The following GET1 variants were observed in gnomAD, a reference collection of about 807,000 sequenced individuals.
GET1 encodes guided entry of tail-anchored proteins factor 1.
A neutral mutation model predicts 22.6 loss-of-function variants in GET1; 20 were observed. That is an observed-to-expected ratio of 0.89 (90% CI 0.62 to 1.29). GET1 has a LOEUF of 1.29. Ranked by LOEUF, GET1 falls within the 50% of genes most tolerant of loss-of-function variation. The pLI, the probability that GET1 is intolerant of heterozygous loss-of-function variation, is 0.00. For missense variants in GET1, 209 were observed against 219.9 expected, an observed-to-expected ratio of 0.95 and a Z score of 0.31; for synonymous variants, 92 against 83.8, an observed-to-expected ratio of 1.10 and a Z score of -0.53.
chr21:39,382,184 A>G (rs780879158), intron 1 of GET1, among the ~76,000 whole-genome samples: 8 of 151,666 alleles, frequency 5.3e-5, no homozygotes, highest in Non-Finnish European at 5.9e-5. Context: ...CCTCCCAGGT[A>G]GCTGTGATTA....
At chr21:39,401,135 G>A (rs1042304643), downstream of GET1, among the ~76,000 whole-genome samples, 6 of 151,934 alleles carry the variant, frequency 3.9e-5, no homozygotes, top group Admixed American at 3.9e-4. Flanking sequence ...GGTTGGTCTC[G>A]AACTCCTGGA....
chr21:39,382,105 A>G (rs575567554), intron 1 of GET1, among the ~76,000 whole-genome samples: 1 of 147,210 alleles, frequency 6.8e-6, no homozygotes, highest in South Asian at 2.1e-4. Context: ...CCTATGTAGG[A>G]GTGCAGTGGC....
intron 1 of GET1, among the ~76,000 whole-genome samples, chr21:39,412,035 A>G (rs2040171368): frequency 1.3e-5 from 2 of 152,208 alleles, no homozygotes; most frequent in African/African-American, 4.8e-5. Flanking sequence ...AGAGCCTTGC[A>G]GGTCAGCTTG....
intron 4 of GET1, among the ~76,000 whole-genome samples, chr21:39,396,500 C>T (rs1187010590): frequency 6.6e-6 from 1 of 151,768 alleles, no homozygotes; most frequent in East Asian, 1.9e-4. Context: ...TGTACTCCCA[C>T]CTGGGTGACA....
intron 4 of GET1, among the ~76,000 whole-genome samples, chr21:39,393,937 A>G (rs2038473226): frequency 6.6e-6 from 1 of 152,258 alleles, no homozygotes; most frequent in Admixed American, 6.5e-5. Flanking sequence ...GGCATGAACC[A>G]CTATGCCCAG....
At chr21:39,421,002 G>C (rs147951024) in intron 1 of GET1, among the ~76,000 whole-genome samples, 3 of 151,966 alleles carry the variant, frequency 2.0e-5, no homozygotes, top group African/African-American at 7.2e-5. Flanking sequence ...AAGTATAACC[G>C]AAAGAAAGAC....
chr21:39,423,534 G>T lies in GET1; in HGVS notation c.*24-4698G>T, dbSNP rs1263969119. The T allele has an allele frequency of 2.0e-6, 3 of 1,480,658 alleles. No homozygotes were observed. In the East Asian group the frequency reaches 6.9e-5, roughly 34 times the overall value. The allele number at this position is 1,480,658 out of a possible 1,614,324, so 91.7% of individuals were successfully genotyped here. The stretch of plus-strand genomic sequence containing the variant: ...CAGTTTATTACTAGTAAAATATACA[G>T]ATATGCAAATATGCACATATGCATA... On this transcript the variant is annotated intron_variant, in intron 1 of 1. Transcript: ENST00000478273.
At position 39,390,698 on chromosome 21, in the gene GET1, A is replaced by G; in HGVS notation, c.103A>G (p.Met35Val). The G allele has an allele frequency of 6.2e-7, 1 of 1,614,098 alleles. No homozygotes were observed. The highest frequency in any genetic ancestry group is 1.7e-4 in the Middle Eastern group (1 of 6,058). The change falls in exon 2 of 5, where the codon ATG (methionine) becomes GTG (valine). Residue 35 changes from methionine to valine, a missense_variant and splice_region_variant. Met to Val is a conservative substitution (Grantham distance 21). Coordinates refer to ENST00000649170, the MANE Select transcript of GET1 (RefSeq NM_004627.6). ...TGATCCCCGTTGTCCGCCCTGCCAG[A>G]TGTCCAGGGTGCTGCAGAAGGACGC... ...RILLPSFSSF[M>V]SRVLQKDAEQ...
chr21:39,426,936 C>T (rs1056071411), intron 1 of GET1, among the ~76,000 whole-genome samples: 6 of 152,178 alleles, frequency 3.9e-5, no homozygotes, highest in African/African-American at 1.4e-4. Context: ...GAAAAGTTTA[C>T]AAACACACAT....
chr21:39,385,535 A>C (rs947247518), intron 1 of GET1, among the ~76,000 whole-genome samples: 5 of 152,196 alleles, frequency 3.3e-5, no homozygotes, highest in African/African-American at 9.6e-5. Context: ...CGCCTAGTTC[A>C]TTCAGTAGGT....
chr21:39,403,784 G>A (rs148384105), intron 4 of GET1, among the ~76,000 whole-genome samples: 245 of 150,686 alleles, frequency 1.6e-3, no homozygotes, highest in African/African-American at 5.8e-3. Context: ...ACCACGCATG[G>A]CTAATTTTTG....
intron 4 of GET1, among the ~76,000 whole-genome samples, chr21:39,396,162 G>A (rs2038629096): frequency 6.6e-6 from 1 of 152,126 alleles, no homozygotes; most frequent in African/African-American, 2.4e-5. Context: ...TTTGGAGGCC[G>A]AGTTAGGCAA....
downstream of GET1, chr21:39,410,488 A>C (rs2039897535): frequency 1.8e-6 from 1 of 567,864 alleles, no homozygotes. Flanking sequence ...TTTTCTAAAT[A>C]TTCAATATAT....
At chr21:39,416,849 C>G (rs1286876732) in intron 1 of GET1, among the ~76,000 whole-genome samples, 1 of 152,130 alleles carries the variant, frequency 6.6e-6, no homozygotes, top group African/African-American at 2.4e-5. Context: ...GTGTATCTCA[C>G]TGGCCATATG....
At chr21:39,395,970 G>C (rs1157703919) in intron 4 of GET1, among the ~76,000 whole-genome samples, 3 of 152,198 alleles carry the variant, frequency 2.0e-5, no homozygotes, top group Non-Finnish European at 4.4e-5. Context: ...TTACAGGTTT[G>C]GTTTTGGAAT....
At chr21:39,391,989 G>A in intron 3 of GET1, 153 bp downstream of exon 3, 1 of 660,024 alleles carries the variant, frequency 1.5e-6, no homozygotes, top group Non-Finnish European at 2.6e-6. Context: ...AACACTCTCG[G>A]TCTCTAAGTC....
rs571626213 is a variant in GET1 at position 39,388,233 on chromosome 21, T to C, written c.103-2465T>C. ...CTAAAAAAAAATTAGTCGAGTGTGG[T>C]GGTGCAGGCCTGTAGTCCCAGATGC... On this transcript the variant is annotated intron_variant, in intron 1 of 4. Coordinates refer to ENST00000649170, the MANE Select transcript of GET1 (RefSeq NM_004627.6). Among the ~76,000 whole-genome samples, 449 of 152,166 alleles carry C rather than the reference T, an allele frequency of 3.0e-3. 2 individuals carry two copies. Among genetic ancestry groups the C allele is most frequent in the South Asian group, 9.5e-3 (46 of 4,820 alleles).
chr21:39,397,050 T>G lies in GET1; in HGVS notation c.*111T>G, dbSNP rs1219125053. 3 of 1,145,106 alleles carry G rather than the reference T, an allele frequency of 2.6e-6. No individual in the cohort carries two copies. The African/African-American group carries it at 4.7e-5, about 18-fold the overall frequency. The allele number at this position is 1,145,106 out of a possible 1,614,324, so 70.9% of individuals were successfully genotyped here. On this transcript the variant is annotated 3_prime_UTR_variant, in exon 5 of 5. Transcript: ENST00000649170. ...AGAAACAAAAGTGCATAGTTTAGAT[T>G]TTTTTTTTGTTGAATATGTTTGTTC... is the stretch of plus-strand genomic sequence containing the variant.
Position 39,406,173 on chromosome 21 carries a change from A to G in GET1, c.*189A>G, listed in dbSNP as rs140223204. On this transcript the variant is annotated 3_prime_UTR_variant, in exon 5 of 5. Transcript: ENST00000415847. ...TGGAAGACTTACCAAATGAGGGCTC[A>G]TACCCACTGTCAGAATGCTCTAGCT... The G allele has an allele frequency of 2.8e-4, 459 of 1,614,270 alleles. 5 individuals carry two copies. In the African/African-American group the frequency reaches 4.8e-3, roughly 17 times the overall value.
Sources: gnomAD v4.1 joint callset for allele counts (sites outside exome capture counted in the v4.1 genomes callset) on GRCh38, gnomAD v4.1.1 for gene constraint, MANE v1.5 for transcripts, NCBI Gene and HGNC (gene_info 2026-07-23, HGNC 2026-07-21) for gene names.